The following ALKAL2 variants were observed in gnomAD, a reference collection of about 807,000 sequenced individuals.
The protein encoded by ALKAL2 is ALK and LTK ligand 2.
ALKAL2 carries 8 observed loss-of-function variants against 18.5 expected under a neutral mutation model. That is an observed-to-expected ratio of 0.43 (90% CI 0.25 to 0.78). The LOEUF (loss-of-function observed/expected upper bound fraction) is 0.78, where lower values mean the gene tolerates loss of function less well. ALKAL2 is among the 30% of genes least tolerant of loss of function. The pLI is 0.22. For missense variants in ALKAL2, 241 were observed against 211.2 expected, an observed-to-expected ratio of 1.14 and a Z score of -0.88; for synonymous variants, 135 against 95.8, an observed-to-expected ratio of 1.41 and a Z score of -2.39.
In ALKAL2 at chr2:287,634, G is replaced by C. The variant is rs1223015896; in HGVS notation, c.202C>G (p.Leu68Val). The change falls in exon 2 of 6, where the codon CTG (leucine) becomes GTG (valine). Residue 68 changes from leucine (L) to valine (V), a missense_variant. Transcript: ENST00000403610. ...AGCCCCGCCGCCTCCGCGCGGCCCA[G>C]GGCGCAGTCCCGCCCGAGGAGCTGC... Reference protein sequence around the residue: ...GLQLLGRDCALGRAEAAGLGP... With the variant: ...GLQLLGRDCAVGRAEAAGLGP... 8.8e-6 allele frequency: 13 copies of C among 1,481,684 alleles called. No individual in the cohort carries two copies. The highest frequency in any genetic ancestry group is 1.2e-5 in the Non-Finnish European group (13 of 1,122,262). 91.8% of individuals were successfully genotyped at this position (1,481,684 alleles called of 1,614,324 possible).
At chr2:284,268 C>T (rs1572206537) in intron 4 of ALKAL2, among the ~76,000 whole-genome samples, 1 of 152,176 alleles carries the variant, frequency 6.6e-6, no homozygotes, top group South Asian at 2.1e-4. Context: ...TCTTGCAAAC[C>T]TTCATGTGCA....
At chr2:282,316 C>CT (rs1460140387) in intron 5 of ALKAL2, among the ~76,000 whole-genome samples, 1 of 152,236 alleles carries the variant, frequency 6.6e-6, no homozygotes, top group Admixed American at 6.5e-5. Flanking sequence ...AAAATACTCC[C>CT]TTTTCATGAA....
Position 287,629 on chromosome 2 carries a change from G to A in ALKAL2, c.207C>T (p.Gly69=). ...LQLLGRDCAL[G]RAEAAGLGPS... ...GCCCCAGCCCCGCCGCCTCCGCGCGGCCCAGGGCGCAGTCCCGCCCGAGGA... is the reference window on the plus strand; with the variant it reads ...GCCCCAGCCCCGCCGCCTCCGCGCGACCCAGGGCGCAGTCCCGCCCGAGGA... Residue 69 remains glycine, a synonymous_variant, in exon 2 of 6, where the codon GGC becomes GGT. Transcript: ENST00000403610. 6.8e-7 allele frequency: 1 copy of A among 1,480,934 alleles called. No homozygotes were observed. Among genetic ancestry groups the A allele is most frequent in the South Asian group, 1.3e-5 (1 of 78,344 alleles). 91.7% of individuals were successfully genotyped at this position (1,480,934 alleles called of 1,614,324 possible).
rs1361607480 is a variant in ALKAL2, at chr2:286,309, C to T, written c.288G>A (p.Lys96=). The change falls in exon 3 of 6, where the codon AAG becomes AAA. Residue 96 remains lysine, a synonymous_variant. Transcript: ENST00000403610. The stretch of plus-strand genomic sequence containing the variant: ...ACTTACCTGTAAGGTGTTTTAGAAA[C>T]TTGTCCTTCATCCTCAGATCTCGAG... ...IVPRDLRMKD[K]FLKHLTGPLY... 1 of 1,612,878 alleles carries T rather than the reference C, an allele frequency of 6.2e-7. No individual in the cohort carries two copies.
chr2:280,031 T>C lies in ALKAL2; in HGVS notation c.*116A>G. On this transcript the variant is annotated 3_prime_UTR_variant, in exon 6 of 6. Coordinates refer to ENST00000403610, the MANE Select transcript of ALKAL2 (RefSeq NM_001002919.3). ...CTCAAAGGACTTATGGAAGAGTCTGTCTGCAAAAATAAATCTCTTGTCCAT... is the reference window on the plus strand; with the variant it reads ...CTCAAAGGACTTATGGAAGAGTCTGCCTGCAAAAATAAATCTCTTGTCCAT... The C allele has an allele frequency of 1.7e-6, 2 of 1,170,850 alleles. No individual in the cohort carries two copies. Among genetic ancestry groups the C allele is most frequent in the Admixed American group, 1.7e-5 (1 of 58,070 alleles). The allele number at this position is 1,170,850 out of a possible 1,614,324, so 72.5% of individuals were successfully genotyped here.
intron 5 of ALKAL2, among the ~76,000 whole-genome samples, chr2:280,794 G>A (rs1670314826): frequency 6.6e-6 from 1 of 152,214 alleles, no homozygotes; most frequent in Non-Finnish European, 1.5e-5. Context: ...GGCCTGAGGA[G>A]GTCTATTAAT....
chr2:286,879 A>G (rs1460862548), intron 2 of ALKAL2: 1 of 152,454 alleles, frequency 6.6e-6, no homozygotes, highest in Admixed American at 6.5e-5. Flanking sequence ...CCTGGTTTGT[A>G]GGGTAAGAAT....
chr2:283,594 T>G (rs1221575425), intron 4 of ALKAL2: 2 of 985,288 alleles, frequency 2.0e-6, no homozygotes, highest in African/African-American at 3.5e-5. Flanking sequence ...GCCTGTAAAT[T>G]CTAAAGAAAG....
Position 286,599 on chromosome 2 carries a change from C to T in ALKAL2, c.254-256G>A, listed in dbSNP as rs561461852. On this transcript the variant is annotated intron_variant, in intron 2 of 5. Coordinates refer to ENST00000403610, the MANE Select transcript of ALKAL2 (RefSeq NM_001002919.3). ...TGTCGGCTGTCTACCCCGTGGGATG[C>T]AGACAGAGACCACGAAGTTACAGAG... The T allele has an allele frequency of 5.2e-5, 21 of 402,088 alleles. No individual in the cohort carries two copies. The East Asian group carries it at 7.3e-4, about 14-fold the overall frequency. 24.9% of individuals were successfully genotyped at this position (402,088 alleles called of 1,614,324 possible). A position where few individuals can be genotyped will look rare whatever the true frequency, so the allele number is the denominator to read the frequency against.
chr2:286,584 C>A, intron 2 of ALKAL2: 1 of 458,334 alleles, frequency 2.2e-6, no homozygotes, highest in Non-Finnish European at 3.8e-6. Context: ...TGTCGGCTGT[C>A]TACCCCGTGG....
chr2:287,497 T>C (rs991650843), intron 2 of ALKAL2, 86 bp downstream of exon 2: 7 of 1,014,756 alleles, frequency 6.9e-6, no homozygotes, highest in African/African-American at 1.7e-5. Flanking sequence ...GTGGTCAAAA[T>C]TGATGTCTCT....
chr2:283,215 AAAAC>A (rs1670409116), intron 4 of ALKAL2, 40 bp from the exon 5 acceptor site: 3 of 1,510,626 alleles, frequency 2.0e-6, no homozygotes, highest in Admixed American at 4.2e-5. Context: ...AGTTACTTAA[AAAAC>A]AAATAAATCG....
intron 4 of ALKAL2, among the ~76,000 whole-genome samples, chr2:285,123 T>C (rs1670466813): frequency 6.6e-6 from 1 of 152,230 alleles, no homozygotes; most frequent in African/African-American, 2.4e-5. Flanking sequence ...TAAAAGTGCA[T>C]GTGCCTTAGC....
chr2:284,054 C>T (rs1670432379), intron 4 of ALKAL2, among the ~76,000 whole-genome samples: 1 of 152,216 alleles, frequency 6.6e-6, no homozygotes, highest in African/African-American at 2.4e-5. Context: ...AACAGTGGCA[C>T]TGGGTCATCT....
intron 2 of ALKAL2, 132 bp from the exon 3 acceptor site, chr2:286,475 G>T (rs1670512256): frequency 1.5e-6 from 1 of 650,752 alleles, no homozygotes; most frequent in Non-Finnish European, 2.7e-6. Context: ...AAAAAGACTG[G>T]GGCCCTGGAT....
chr2:279,869 A>G lies in ALKAL2; in HGVS notation c.*278T>C. The G allele has an allele frequency of 7.5e-6, 3 of 401,796 alleles. No homozygotes were observed. Among genetic ancestry groups the G allele is most frequent in the Non-Finnish European group, 1.3e-5 (3 of 223,916 alleles). The allele number at this position is 401,796 out of a possible 1,614,324, so 24.9% of individuals were successfully genotyped here. A position where few individuals can be genotyped will look rare whatever the true frequency, so the allele number is the denominator to read the frequency against. ...TTTCACCTAATGAAGACAATGAAAT[A>G]TTCTGTGTTTTATAGCACTACACGT... On this transcript the variant is annotated 3_prime_UTR_variant, in exon 6 of 6. Coordinates refer to ENST00000403610, the MANE Select transcript of ALKAL2 (RefSeq NM_001002919.3).
chr2:280,945 G>C (rs566376208), intron 5 of ALKAL2, among the ~76,000 whole-genome samples: 1 of 152,328 alleles, frequency 6.6e-6, no homozygotes, highest in South Asian at 2.1e-4. Context: ...TGCCATCCTT[G>C]TGTGTCAGGA....
At chr2:281,192 T>C (rs552800012) in intron 5 of ALKAL2, among the ~76,000 whole-genome samples, 11 of 152,274 alleles carry the variant, frequency 7.2e-5, no homozygotes, top group Non-Finnish European at 1.6e-4. Flanking sequence ...TTGCTGTTGC[T>C]GTTTAAAACT....
At position 288,083 on chromosome 2, in the gene ALKAL2, C is replaced by A. The variant is rs1196825731; in HGVS notation, c.-128G>T. On this transcript the variant is annotated 5_prime_UTR_variant, in exon 1 of 6. Coordinates refer to ENST00000403610, the MANE Select transcript of ALKAL2 (RefSeq NM_001002919.3). ...TCTCCTCGACGATCACGCCCGAGGT[C>A]CCGCCCACGGGGAGCGACCGCCGCT... 7.5e-6 allele frequency: 9 copies of A among 1,192,118 alleles called. No individual in the cohort carries two copies. Among genetic ancestry groups the A allele is most frequent in the Middle Eastern group, 3.3e-4 (1 of 3,000 alleles). The allele number at this position is 1,192,118 out of a possible 1,614,324, so 73.8% of individuals were successfully genotyped here. A position where few individuals can be genotyped will look rare whatever the true frequency, so the allele number is the denominator to read the frequency against.
Sources: gnomAD v4.1 joint callset for allele counts (sites outside exome capture counted in the v4.1 genomes callset) on GRCh38, gnomAD v4.1.1 for gene constraint, MANE v1.5 for transcripts, NCBI Gene and HGNC (gene_info 2026-07-23, HGNC 2026-07-21) for gene names.